Variants in ZNF516 observed in about 807,000 individuals in gnomAD.
ZNF516 encodes zinc finger protein 516.
In ZNF516, 19 loss-of-function variants were observed where a neutral mutation model predicts 79.7. The ratio of observed to expected loss-of-function variants is 0.24; its 90% confidence interval spans 0.17 to 0.35. The LOEUF (loss-of-function observed/expected upper bound fraction) is 0.35. Among genes scored for constraint, ZNF516 ranks in the 10% least tolerant of loss-of-function variants. ZNF516 has a pLI of 1.00. For missense variants in ZNF516, 1,678 were observed against 1,679.5 expected, an observed-to-expected ratio of 1.00 and a Z score of 0.02; for synonymous variants, 877 against 739.5, an observed-to-expected ratio of 1.19 and a Z score of -3.02.
intron 4 of ZNF516, chr18:76,372,863 CAG>C (rs1205859741): frequency 6.6e-6 from 1 of 152,240 alleles, no homozygotes; most frequent in Non-Finnish European, 1.5e-5. Context: ...CTCAAGTTAA[CAG>C]GGGCCAGGTG....
rs376503007 is a variant in ZNF516, at chr18:76,434,963, CAT to C, written c.1810+6280_1810+6281del. 5.0e-4 allele frequency among the ~76,000 whole-genome samples: 76 copies of C among 152,352 alleles called. 1 individual carries two copies. The South Asian group carries it at 0.014, about 29-fold the overall frequency. The stretch of plus-strand genomic sequence containing the variant: ...AAATCCACACTTCTGAGTCCAAGCT[CAT>C]GTGCCCTCCACCAATGATGCCGTGT... On this transcript the variant is annotated intron_variant, in intron 3 of 6. Transcript: ENST00000443185.
At chr18:76,446,787 G>A (rs547747525) in intron 2 of ZNF516, among the ~76,000 whole-genome samples, 26 of 152,216 alleles carry the variant, frequency 1.7e-4, no homozygotes, top group Non-Finnish European at 3.1e-4. Flanking sequence ...CTCTCCGCCT[G>A]TCCCATCTTT....
chr18:76,403,117 T>C (rs1040779272), intron 3 of ZNF516, among the ~76,000 whole-genome samples: 1 of 152,252 alleles, frequency 6.6e-6, no homozygotes, highest in African/African-American at 2.4e-5. Context: ...ACTATTTCTC[T>C]GTAATTACCC....
intron 2 of ZNF516, among the ~76,000 whole-genome samples, chr18:76,444,748 C>CG (rs1568300314): frequency 6.6e-6 from 1 of 152,170 alleles, no homozygotes; most frequent in Admixed American, 6.5e-5. Flanking sequence ...ACCTCCCCCA[C>CG]GGGGGTCGGG....
At chr18:76,374,546 C>A (rs952354488) in intron 4 of ZNF516, among the ~76,000 whole-genome samples, 1 of 152,142 alleles carries the variant, frequency 6.6e-6, no homozygotes, top group Admixed American at 6.5e-5. Flanking sequence ...TTGAGACTTC[C>A]GTTTCCTAAC....
rs2074485886 is a variant in ZNF516, at chr18:76,358,395, T to C, written c.*4103A>G. 1 of 152,262 alleles carries C rather than the reference T, an allele frequency of 6.6e-6. No homozygotes were observed. The highest frequency in any genetic ancestry group is 2.4e-5 in the African/African-American group (1 of 41,470). 9.4% of individuals were successfully genotyped at this position (152,262 alleles called of 1,614,324 possible). A position where few individuals can be genotyped will look rare whatever the true frequency, so the allele number is the denominator to read the frequency against. On this transcript the variant is annotated 3_prime_UTR_variant, in exon 7 of 7. Transcript: ENST00000443185. Reference sequence around the variant, plus strand: ...AAAAAAAGAAATACAAATTCTATGGTCTTTTGCATTTTACTGCCTCAAAGC... The same window carrying C: ...AAAAAAAGAAATACAAATTCTATGGCCTTTTGCATTTTACTGCCTCAAAGC...
chr18:76,433,401 T>A (rs776916857), intron 3 of ZNF516, among the ~76,000 whole-genome samples: 1 of 152,170 alleles, frequency 6.6e-6, no homozygotes, highest in Non-Finnish European at 1.5e-5. Flanking sequence ...AGATGGCAAT[T>A]TGAGGATGCC....
chr18:76,363,839 C>T (rs1195404440), intron 6 of ZNF516, among the ~76,000 whole-genome samples: 1 of 152,182 alleles, frequency 6.6e-6, no homozygotes, highest in Admixed American at 6.5e-5. Context: ...TTATAGTTAG[C>T]TATTGGGTGT....
At chr18:76,377,587 T>C (rs2074808412) in intron 4 of ZNF516, among the ~76,000 whole-genome samples, 1 of 152,260 alleles carries the variant, frequency 6.6e-6, no homozygotes, top group Non-Finnish European at 1.5e-5. Flanking sequence ...CTGGGGAGGC[T>C]GTCTGCTGAT....
At chr18:76,495,996 T>C (rs924900392), upstream of ZNF516, among the ~76,000 whole-genome samples, 1 of 152,194 alleles carries the variant, frequency 6.6e-6, no homozygotes, top group African/African-American at 2.4e-5. Context: ...AGTTCAACTC[T>C]TATTTTTCTG....
chr18:76,420,395 G>A lies in ZNF516; in HGVS notation c.1810+20850C>T, dbSNP rs963367289. 3.3e-5 allele frequency among the ~76,000 whole-genome samples: 5 copies of A among 152,188 alleles called. 1 individual carries two copies. The highest frequency in any genetic ancestry group is 1.2e-4 in the African/African-American group (5 of 41,510). On this transcript the variant is annotated intron_variant, in intron 3 of 6. Transcript: ENST00000443185. ...TCTATTTTTTGCTTATTTCTGTAAA[G>A]GTCATCTTACCATACACTGAATTCC...
upstream of ZNF516, chr18:76,496,272 C>G: frequency 7.8e-7 from 1 of 1,286,936 alleles, no homozygotes; most frequent in South Asian, 1.2e-5. Context: ...CTATCTTCTC[C>G]CACCAGGCTC....
At position 76,407,011 on chromosome 18, in the gene ZNF516, C is replaced by T. The variant is rs114650704; in HGVS notation, c.1811-26708G>A. Among the ~76,000 whole-genome samples the T allele has an allele frequency of 4.4e-3, 670 of 152,312 alleles. 4 individuals carry two copies. Among genetic ancestry groups the T allele is most frequent in the African/African-American group, 0.015 (619 of 41,564 alleles). ...CTCCGTCCACTGTTGGGTGAGACCT[C>T]GCCCAGACAGAATCCAGGTTCTCTC... On this transcript the variant is annotated intron_variant, in intron 3 of 6. Transcript: ENST00000443185.
intron 3 of ZNF516, among the ~76,000 whole-genome samples, chr18:76,395,742 T>A (rs1268085850): frequency 2.0e-5 from 3 of 151,644 alleles, no homozygotes; most frequent in African/African-American, 7.3e-5. Flanking sequence ...CACCAGCACG[T>A]GCCGAGGAAA....
intron 3 of ZNF516, among the ~76,000 whole-genome samples, chr18:76,426,906 G>A (rs939505690): frequency 2.6e-5 from 4 of 152,196 alleles, no homozygotes; most frequent in South Asian, 2.1e-4. Context: ...GACCCCTAGC[G>A]GCTCCTCCCA....
intron 1 of ZNF516, chr18:76,490,850 C>T: frequency 1.0e-6 from 1 of 985,494 alleles, no homozygotes; most frequent in Non-Finnish European, 1.2e-6. Context: ...AGGGGACACC[C>T]CTGGAAGGCC....
At position 76,493,163 on chromosome 18, in the gene ZNF516, A is replaced by G; in HGVS notation, c.-272+1981T>C. 1.0e-6 allele frequency: 1 copy of G among 985,202 alleles called. No homozygotes were observed. Among genetic ancestry groups the G allele is most frequent in the South Asian group, 4.7e-5 (1 of 21,280 alleles). The allele number at this position is 985,202 out of a possible 1,614,324, so 61.0% of individuals were successfully genotyped here. A position where few individuals can be genotyped will look rare whatever the true frequency, so the allele number is the denominator to read the frequency against. On this transcript the variant is annotated intron_variant, in intron 1 of 6. Transcript: ENST00000443185. The surrounding 1 kb of genome is among the most constrained non-coding windows in gnomAD (Gnocchi z 5.2). ...TGGTAAAACAACAGCAGAGCTCTGA[A>G]AGTTAGCCATCTGCGCAGAGTTTGC...
rs1159026264 is a variant in ZNF516, at chr18:76,451,619, C to T, written c.-157-8408G>A. ...CGGTTGGTCCCGGCCACAGCTACTA[C>T]GGGGTCGGCGCAGAAGCCCGTGCGT... On this transcript the variant is annotated intron_variant, in intron 2 of 6. Coordinates refer to ENST00000443185, the MANE Select transcript of ZNF516 (RefSeq NM_014643.4). This position sits in a 1 kb window ranked among gnomAD's most constrained non-coding sequence, Gnocchi z 6.0. Among the ~76,000 whole-genome samples the T allele has an allele frequency of 2.6e-5, 4 of 152,348 alleles. No individual in the cohort carries two copies. Among genetic ancestry groups the T allele is most frequent in the African/African-American group, 4.8e-5 (2 of 41,584 alleles).
At chr18:76,409,908 A>G (rs1000997853) in intron 3 of ZNF516, among the ~76,000 whole-genome samples, 7 of 152,182 alleles carry the variant, frequency 4.6e-5, no homozygotes, top group East Asian at 1.9e-4. Context: ...CCAGGTGGAG[A>G]TAACTGAATC....
Sources: gnomAD v4.1 joint callset for allele counts (sites outside exome capture counted in the v4.1 genomes callset) on GRCh38, gnomAD v4.1.1 for gene constraint, Gnocchi (gnomAD v3.1) non-coding constraint, MANE v1.5 for transcripts, NCBI Gene and HGNC (gene_info 2026-07-23, HGNC 2026-07-21) for gene names.